Variants in GAREM1 observed in about 807,000 individuals in gnomAD.
The protein encoded by GAREM1 is GRB2-associated and regulator of MAPK protein 1.
A neutral mutation model predicts 71.3 loss-of-function variants in GAREM1; 26 were observed. The observed-to-expected ratio is 0.36, with a 90% CI of 0.27 to 0.51. GAREM1 has a LOEUF of 0.51. Ranked by LOEUF, GAREM1 falls within the 20% of genes least tolerant of loss-of-function variation. GAREM1 has a pLI of 0.95. For synonymous variants in GAREM1, 440 were observed against 433.2 expected, an observed-to-expected ratio of 1.02 and a Z score of -0.20; for missense variants, 1,026 against 1,103.1, an observed-to-expected ratio of 0.93 and a Z score of 0.99.
intron 2 of GAREM1, among the ~76,000 whole-genome samples, chr18:32,374,352 C>T (rs907485263): frequency 9.2e-5 from 14 of 152,274 alleles, no homozygotes; most frequent in African/African-American, 2.4e-4. Context: ...TCTAGATATA[C>T]GTTTATATGT....
chr18:32,281,310 CA>C (rs1176268271), intron 4 of GAREM1, among the ~76,000 whole-genome samples: 1 of 119,864 alleles, frequency 8.3e-6, no homozygotes, highest in Non-Finnish European at 1.6e-5. Context: ...ATAGTTAAAT[CA>C]GTTTTTTTTC....
chr18:32,317,393 C>CAAAAA (rs35166372), intron 2 of GAREM1, among the ~76,000 whole-genome samples: 5 of 72,440 alleles, frequency 6.9e-5, no homozygotes, highest in Admixed American at 3.2e-4. Flanking sequence ...CGCTCTGTCA[C>CAAAAA]AAAAAAAAAA....
At chr18:32,399,889 A>T (rs558111556) in intron 1 of GAREM1, among the ~76,000 whole-genome samples, 1 of 152,346 alleles carries the variant, frequency 6.6e-6, no homozygotes, top group South Asian at 2.1e-4. Context: ...AAAAGAACAA[A>T]GCTGGAGGCA....
intron 1 of GAREM1, among the ~76,000 whole-genome samples, chr18:32,398,433 GAAGAA>G (rs2048279513): frequency 6.6e-6 from 1 of 152,010 alleles, no homozygotes; most frequent in African/African-American, 2.4e-5. Context: ...GACTAATAAA[GAAGAA>G]AAGAGAGAAG....
intron 1 of GAREM1, among the ~76,000 whole-genome samples, chr18:32,408,223 C>T (rs1036123457): frequency 3.3e-5 from 5 of 151,920 alleles, no homozygotes; most frequent in African/African-American, 7.3e-5. Context: ...AGATTACTTC[C>T]GAAAGCCAAG....
At chr18:32,275,155 C>T (rs938012649) in intron 4 of GAREM1, among the ~76,000 whole-genome samples, 1 of 152,178 alleles carries the variant, frequency 6.6e-6, no homozygotes, top group South Asian at 2.1e-4. Context: ...CACCCTTTGA[C>T]ACAGTGTCAT....
At position 32,268,444 on chromosome 18, in the gene GAREM1, T is replaced by G; in HGVS notation, c.2058A>C (p.Ala686=). Residue 686 remains alanine, a synonymous_variant, in exon 6 of 6, where the codon GCA becomes GCC. Coordinates refer to ENST00000269209, the MANE Select transcript of GAREM1 (RefSeq NM_001242409.2). ...AACCAGAGACGCTGCTACTGAATTC[T>G]GCAGTGACTGGGCTAGTGGGGCTGG... ...LLASPTSPVT[A]EFSSSVSGCP... 1 of 1,614,208 alleles carries G rather than the reference T, an allele frequency of 6.2e-7. No homozygotes were observed. The highest frequency in any genetic ancestry group is 2.2e-5 in the East Asian group (1 of 44,886).
intron 1 of GAREM1, among the ~76,000 whole-genome samples, chr18:32,460,018 T>C (rs1167563810): frequency 6.6e-6 from 1 of 151,972 alleles, no homozygotes; most frequent in East Asian, 1.9e-4. Flanking sequence ...CTTTTTCTGG[T>C]ACTTTTAGAT....
chr18:32,281,213 T>C (rs771848746), intron 4 of GAREM1, among the ~76,000 whole-genome samples: 5 of 152,170 alleles, frequency 3.3e-5, no homozygotes, highest in Non-Finnish European at 5.9e-5. Context: ...AGCTCTCAGA[T>C]GCAATGCTGC....
At chr18:32,426,582 T>C (rs2048577767) in intron 1 of GAREM1, among the ~76,000 whole-genome samples, 1 of 152,216 alleles carries the variant, frequency 6.6e-6, no homozygotes, top group South Asian at 2.1e-4. Flanking sequence ...TCCAAGTACA[T>C]CTCTAAATGT....
chr18:32,299,523 A>G (rs1339195097), intron 3 of GAREM1, among the ~76,000 whole-genome samples: 1 of 151,538 alleles, frequency 6.6e-6, no homozygotes, highest in African/African-American at 2.4e-5. Flanking sequence ...CAAAAAAAAA[A>G]AAAAAAAAAA....
rs749621786 is a variant in GAREM1 at position 32,268,323 on chromosome 18, G to A, written c.2179C>T (p.Pro727Ser). The change falls in exon 6 of 6, where the codon CCC becomes TCC. Residue 727 changes from proline to serine, a missense_variant. Pro to Ser is a moderately conservative substitution (Grantham distance 74). This residue lies in a region of GAREM1 where 636 missense variants were observed against 631.2 expected (regional missense o/e 1.01). Transcript: ENST00000269209. ...KQSTSCPALP[P>S]RAPKLVEEKV... Reference sequence around the variant, plus strand: ...TCTTCCACTAGTTTTGGAGCCCTGGGGGGTAAGGCAGGGCATGACGTACTC... The same window carrying A: ...TCTTCCACTAGTTTTGGAGCCCTGGAGGGTAAGGCAGGGCATGACGTACTC... The A allele has an allele frequency of 3.7e-6, 6 of 1,613,992 alleles. No homozygotes were observed. In the South Asian group the frequency reaches 4.4e-5, roughly 12 times the overall value.
At chr18:32,327,823 C>G (rs1354983035) in intron 2 of GAREM1, among the ~76,000 whole-genome samples, 2 of 152,096 alleles carry the variant, frequency 1.3e-5, no homozygotes, top group Non-Finnish European at 2.9e-5. Flanking sequence ...TTGGCCTTGA[C>G]CTTGAGAGGA....
chr18:32,424,643 G>T (rs528227719), intron 1 of GAREM1, among the ~76,000 whole-genome samples: 1 of 152,120 alleles, frequency 6.6e-6, no homozygotes, highest in African/African-American at 2.4e-5. Flanking sequence ...TATATATTTG[G>T]AACCAGATGA....
intron 2 of GAREM1, among the ~76,000 whole-genome samples, chr18:32,328,986 A>G (rs2047500739): frequency 6.6e-6 from 1 of 152,228 alleles, no homozygotes; most frequent in Non-Finnish European, 1.5e-5. Context: ...GGCAAAGAAC[A>G]TGATGAACAG....
chr18:32,464,502 T>A (rs72935565), intron 1 of GAREM1, among the ~76,000 whole-genome samples: 54,353 of 151,950 alleles, frequency 0.36, 10,091 homozygotes, highest in African/African-American at 0.43. Flanking sequence ...TTTAAAAAAG[T>A]AAAGTTCCTT....
chr18:32,297,510 C>T (rs1169253953), intron 3 of GAREM1, among the ~76,000 whole-genome samples: 1 of 152,210 alleles, frequency 6.6e-6, no homozygotes, highest in Non-Finnish European at 1.5e-5. Context: ...TTGCCTTTCA[C>T]ACCTCTGTAT....
At chr18:32,464,593 T>C (rs564389257) in intron 1 of GAREM1, among the ~76,000 whole-genome samples, 1 of 152,350 alleles carries the variant, frequency 6.6e-6, no homozygotes, top group South Asian at 2.1e-4. Flanking sequence ...ATAAAGACCT[T>C]TCGCCACCTT....
intron 3 of GAREM1, among the ~76,000 whole-genome samples, chr18:32,299,524 A>AG (rs1199893178): frequency 8.6e-5 from 13 of 151,552 alleles, no homozygotes; most frequent in Admixed American, 6.6e-4. Flanking sequence ...AAAAAAAAAA[A>AG]AAAAAAAAAA....
Sources: gnomAD v4.1 joint callset for allele counts (sites outside exome capture counted in the v4.1 genomes callset) on GRCh38, gnomAD v4.1.1 for gene constraint, gnomAD v4.1.1 regional missense constraint, MANE v1.5 for transcripts, NCBI Gene and HGNC (gene_info 2026-07-23, HGNC 2026-07-21) for gene names.